OR5BS1: variants seen among roughly 807,000 people sequenced by gnomAD.
The protein encoded by OR5BS1 is olfactory receptor family 5 subfamily BS member 1.
At chr12:48,560,968 T>C in the OR5BS1 span, among the ~76,000 whole-genome samples, 1 of 152,008 alleles carries the variant, frequency 6.6e-6, no homozygotes, top group African/African-American at 2.4e-5. Context: ...CCAGGTGTGG[T>C]CACGTGCACC....
At chr12:48,559,937 A>G in the OR5BS1 span, 49 of 401,656 alleles carry the variant, frequency 1.2e-4, no homozygotes, top group South Asian at 1.1e-3. Context: ...GGACTGTCCA[A>G]CAACCCTCAG....
chr12:48,561,364 A>G, the OR5BS1 span, among the ~76,000 whole-genome samples: 2 of 152,196 alleles, frequency 1.3e-5, no homozygotes, highest in Non-Finnish European at 2.9e-5. Flanking sequence ...TTTACTAGCC[A>G]TTTACTATAC....
the OR5BS1 span, among the ~76,000 whole-genome samples, chr12:48,562,337 T>C: frequency 1.3e-5 from 2 of 152,196 alleles, no homozygotes; most frequent in Non-Finnish European, 2.9e-5. Flanking sequence ...TGAACAGTCA[T>C]CACAAGGTGA....
the OR5BS1 span, among the ~76,000 whole-genome samples, chr12:48,561,951 A>T: frequency 6.6e-6 from 1 of 151,540 alleles, no homozygotes; most frequent in East Asian, 1.9e-4. Flanking sequence ...TAAAATGACT[A>T]TTTTTTTTAT....
chr12:48,561,511 G>C, the OR5BS1 span, among the ~76,000 whole-genome samples: 2 of 152,192 alleles, frequency 1.3e-5, no homozygotes, highest in Non-Finnish European at 2.9e-5. Context: ...GAACAAGCTA[G>C]TAATGGAGCC....
chr12:48,561,476 A>C, the OR5BS1 span, among the ~76,000 whole-genome samples: 1 of 152,146 alleles, frequency 6.6e-6, no homozygotes, highest in Non-Finnish European at 1.5e-5. Flanking sequence ...TTGGGGAGTA[A>C]TCAGGTAATT....
the OR5BS1 span, chr12:48,560,209 AC>A: frequency 5.0e-6 from 2 of 401,284 alleles, no homozygotes. Flanking sequence ...TTCTGGAGCT[AC>A]TGAGGCTTGC....
At chr12:48,562,286 G>T in the OR5BS1 span, among the ~76,000 whole-genome samples, 1 of 152,238 alleles carries the variant, frequency 6.6e-6, no homozygotes, top group Non-Finnish European at 1.5e-5. Context: ...CATGAAGGTT[G>T]GGAATAATGA....
At chr12:48,561,740 G>A in the OR5BS1 span, among the ~76,000 whole-genome samples, 1 of 152,048 alleles carries the variant, frequency 6.6e-6, no homozygotes, top group Admixed American at 6.6e-5. Flanking sequence ...GAATAGCCCA[G>A]TACCTGTAGT....
chr12:48,560,568 C>G, the OR5BS1 span: 1 of 401,886 alleles, frequency 2.5e-6, no homozygotes, highest in Non-Finnish European at 4.4e-6. Context: ...TGAGGATCAA[C>G]TCTGCTACAG....
the OR5BS1 span, chr12:48,560,576 C>T: frequency 5.0e-6 from 2 of 401,730 alleles, no homozygotes; most frequent in Non-Finnish European, 8.8e-6. Context: ...AACTCTGCTA[C>T]AGGTCGGAGC....
chr12:48,561,697 C>G, the OR5BS1 span, among the ~76,000 whole-genome samples: 2 of 152,006 alleles, frequency 1.3e-5, no homozygotes, highest in African/African-American at 4.8e-5. Context: ...GCCTGTGATT[C>G]AGAGAGAAGT....
At chr12:48,562,078 T>C in the OR5BS1 span, among the ~76,000 whole-genome samples, 2 of 152,212 alleles carry the variant, frequency 1.3e-5, no homozygotes, top group African/African-American at 4.8e-5. Context: ...CTCCGAGTGG[T>C]ACTTAGCAAA....
At chr12:48,562,065 A>G in the OR5BS1 span, among the ~76,000 whole-genome samples, 1 of 152,208 alleles carries the variant, frequency 6.6e-6, no homozygotes, top group Non-Finnish European at 1.5e-5. Flanking sequence ...TCTTTGGAAG[A>G]TACTCCGAGT....
At chr12:48,561,023 A>C in the OR5BS1 span, among the ~76,000 whole-genome samples, 1 of 151,766 alleles carries the variant, frequency 6.6e-6, no homozygotes, top group African/African-American at 2.4e-5. Context: ...GAATTGCTTC[A>C]GCCTCGGAGG....
At chr12:48,562,848 C>A in the OR5BS1 span, 1 of 402,134 alleles carries the variant, frequency 2.5e-6, no homozygotes, top group Admixed American at 4.4e-5. Flanking sequence ...CCGTGCAGTA[C>A]AGTGTGATAA....
chr12:48,560,794 T>C, the OR5BS1 span: 1 of 395,714 alleles, frequency 2.5e-6, no homozygotes, highest in Middle Eastern at 6.3e-4. Flanking sequence ...ATGGACTAGC[T>C]GTATGAATTG....
the OR5BS1 span, chr12:48,560,061 C>G: frequency 5.0e-6 from 2 of 403,684 alleles, no homozygotes; most frequent in Non-Finnish European, 4.4e-6. Context: ...CCCCTATGTA[C>G]TTCTTCCTGA....
the OR5BS1 span, among the ~76,000 whole-genome samples, chr12:48,561,335 C>T: frequency 6.6e-6 from 1 of 152,144 alleles, no homozygotes. Flanking sequence ...GTCGCCAAAG[C>T]TTACATATGT....
Sources: gnomAD v4.1 joint callset for allele counts (sites outside exome capture counted in the v4.1 genomes callset) on GRCh38, gnomAD v4.1.1 for gene constraint, MANE v1.5 for transcripts, NCBI Gene and HGNC (gene_info 2026-07-23, HGNC 2026-07-21) for gene names.